The following TMTC2 variants were observed in gnomAD, a reference collection of about 807,000 sequenced individuals.
TMTC2 encodes transmembrane O-mannosyltransferase targeting cadherins 2.
Under a neutral mutation model 82.4 loss-of-function variants are expected in TMTC2, and 43 were observed. The observed-to-expected ratio is 0.52, with a 90% CI of 0.41 to 0.67. The LOEUF is 0.67. Among genes scored for constraint, TMTC2 ranks in the 30% least tolerant of loss-of-function variants. The pLI is 0.00. For synonymous variants in TMTC2, 408 were observed against 381.9 expected, an observed-to-expected ratio of 1.07 and a Z score of -0.80; for missense variants, 919 against 1,012.4, an observed-to-expected ratio of 0.91 and a Z score of 1.25.
At chr12:83,010,823 G>A (rs537041090) in intron 8 of TMTC2, among the ~76,000 whole-genome samples, 3 of 91,402 alleles carry the variant, frequency 3.3e-5, no homozygotes, top group Admixed American at 2.8e-4. Context: ...CTTGATTGAT[G>A]TTTTATTATT....
chr12:83,046,585 G>C (rs908514084), intron 9 of TMTC2, among the ~76,000 whole-genome samples: 4 of 152,086 alleles, frequency 2.6e-5, no homozygotes, highest in Admixed American at 6.6e-5. Context: ...CTTTAGTCCT[G>C]GCTCTACCTT....
chr12:82,808,089 TAAAA>T (rs970173602), intron 1 of TMTC2, among the ~76,000 whole-genome samples: 1 of 151,790 alleles, frequency 6.6e-6, no homozygotes, highest in Admixed American at 6.6e-5. Context: ...AAAAATATCT[TAAAA>T]AAACTGTTTA....
At chr12:82,949,528 C>T (rs1322867810) in intron 4 of TMTC2, among the ~76,000 whole-genome samples, 1 of 152,116 alleles carries the variant, frequency 6.6e-6, no homozygotes, top group Non-Finnish European at 1.5e-5. Context: ...TTGGAGGCAG[C>T]TCAGTGAAAT....
chr12:82,692,339 T>C (rs1016248772), intron 1 of TMTC2, among the ~76,000 whole-genome samples: 24 of 152,232 alleles, frequency 1.6e-4, no homozygotes, highest in African/African-American at 5.5e-4. Context: ...AATTCTCTTC[T>C]GCTATAATTT....
chr12:83,010,856 T>C (rs2137385668), intron 8 of TMTC2, among the ~76,000 whole-genome samples: 1 of 152,152 alleles, frequency 6.6e-6, no homozygotes, highest in South Asian at 2.1e-4. Flanking sequence ...TATTTAGAAA[T>C]GGAGTTTCAC....
chr12:82,976,584 G>A lies in TMTC2; in HGVS notation c.1949-9341G>A, dbSNP rs1878683970. Reference sequence around the variant, plus strand: ...ATTACATTTTACTTTCAATACTACTGTACTGTAGCCGCTAAAGGATTTCCA... The same window carrying A: ...ATTACATTTTACTTTCAATACTACTATACTGTAGCCGCTAAAGGATTTCCA... On this transcript the variant is annotated intron_variant, in intron 7 of 11. Transcript: ENST00000321196. Among the ~76,000 whole-genome samples the A allele has an allele frequency of 2.0e-5, 3 of 151,856 alleles. No individual in the cohort carries two copies. In the South Asian group the frequency reaches 6.2e-4, roughly 31 times the overall value.
At chr12:82,954,297 C>T (rs1327402594) in intron 4 of TMTC2, among the ~76,000 whole-genome samples, 1 of 152,102 alleles carries the variant, frequency 6.6e-6, no homozygotes, top group Non-Finnish European at 1.5e-5. Context: ...TCTCTAGGAA[C>T]TTCACCTCAC....
intron 9 of TMTC2, among the ~76,000 whole-genome samples, chr12:83,045,007 T>G (rs1882035457): frequency 6.6e-6 from 1 of 152,212 alleles, no homozygotes; most frequent in African/African-American, 2.4e-5. Context: ...AACGAAAGAT[T>G]GGTCTTCACA....
intron 1 of TMTC2, among the ~76,000 whole-genome samples, chr12:82,722,566 C>CAAA (rs772607761): frequency 0.04 from 1,765 of 44,336 alleles, 399 homozygotes; most frequent in East Asian, 0.1. Context: ...GACTCCATCT[C>CAAA]AAAAAAAAAA....
chr12:83,032,508 A>T (rs1307961306), intron 9 of TMTC2, among the ~76,000 whole-genome samples: 1 of 151,414 alleles, frequency 6.6e-6, no homozygotes, highest in African/African-American at 2.4e-5. Flanking sequence ...CCCATGAAAA[A>T]TTTTTGGATT....
At chr12:83,113,453 T>C (rs1275618148) in intron 11 of TMTC2, among the ~76,000 whole-genome samples, 1 of 152,192 alleles carries the variant, frequency 6.6e-6, no homozygotes, top group African/African-American at 2.4e-5. Context: ...AAAGGCAAAA[T>C]GTGCAGTAGA....
intron 4 of TMTC2, among the ~76,000 whole-genome samples, chr12:82,954,510 T>C (rs1877513087): frequency 6.6e-6 from 1 of 152,236 alleles, no homozygotes; most frequent in Non-Finnish European, 1.5e-5. Context: ...TGCACTTTAA[T>C]GAAATCAAAG....
chr12:82,711,644 G>A (rs562407438), intron 1 of TMTC2, among the ~76,000 whole-genome samples: 1 of 152,212 alleles, frequency 6.6e-6, no homozygotes, highest in South Asian at 2.1e-4. Flanking sequence ...CAAGGATTCT[G>A]ATGAAAGAAA....
In TMTC2 at chr12:82,882,757, T is replaced by C. The variant is rs368821507; in HGVS notation, c.655-13061T>C. Among the ~76,000 whole-genome samples the C allele has an allele frequency of 2.6e-5, 4 of 152,018 alleles. No homozygotes were observed. In the East Asian group the frequency reaches 5.8e-4, roughly 22 times the overall value. On this transcript the variant is annotated intron_variant, in intron 2 of 11. Coordinates refer to ENST00000321196, the MANE Select transcript of TMTC2 (RefSeq NM_152588.3). Reference sequence around the variant, plus strand: ...ATGCTTTCCTATGTGAAAACTTTAGTTTAAAAACTATAGTCTAGGGTGCGT... The same window carrying C: ...ATGCTTTCCTATGTGAAAACTTTAGCTTAAAAACTATAGTCTAGGGTGCGT...
intron 7 of TMTC2, among the ~76,000 whole-genome samples, chr12:82,974,209 C>A (rs1019127925): frequency 6.6e-6 from 1 of 152,100 alleles, no homozygotes; most frequent in African/African-American, 2.4e-5. Flanking sequence ...TCTCTACATA[C>A]CCACGCCCGT....
At chr12:82,802,417 G>C (rs539828752) in intron 1 of TMTC2, among the ~76,000 whole-genome samples, 65 of 152,288 alleles carry the variant, frequency 4.3e-4, no homozygotes, top group African/African-American at 1.3e-3. Context: ...TGGGCTGAAG[G>C]GCTCCTCAAG....
intron 9 of TMTC2, among the ~76,000 whole-genome samples, chr12:83,036,257 A>G (rs560883080): frequency 6.6e-6 from 1 of 152,282 alleles, no homozygotes; most frequent in East Asian, 1.9e-4. Context: ...GCTCTAGCAA[A>G]TCTTACAAAC....
At chr12:82,709,630 C>T (rs949119770) in intron 1 of TMTC2, among the ~76,000 whole-genome samples, 3 of 151,468 alleles carry the variant, frequency 2.0e-5, no homozygotes, top group South Asian at 2.1e-4. Flanking sequence ...CTGTAAAAGC[C>T]GATTTTCAAG....
At chr12:82,702,753 T>G (rs557192193) in intron 1 of TMTC2, among the ~76,000 whole-genome samples, 1 of 152,104 alleles carries the variant, frequency 6.6e-6, no homozygotes, top group East Asian at 1.9e-4. Flanking sequence ...ATAGCGAGAT[T>G]CCATCTCTAC....
Sources: allele counts gnomAD v4.1 joint callset (sites outside exome capture counted in the v4.1 genomes callset), GRCh38; gene constraint gnomAD v4.1.1; transcripts MANE v1.5; gene names NCBI Gene and HGNC (gene_info 2026-07-23, HGNC 2026-07-21).